ADAMTS3: variants seen among roughly 807,000 people sequenced by gnomAD.
ADAMTS3 encodes the protein ADAM metallopeptidase with thrombospondin type 1 motif 3, also known as A disintegrin and metalloproteinase with thrombospondin motifs 3.
In ADAMTS3, 73 loss-of-function variants were observed where a neutral mutation model predicts 129.0. The ratio of observed to expected loss-of-function variants is 0.57; its 90% CI spans 0.47 to 0.69. The LOEUF (loss-of-function observed/expected upper bound fraction) is 0.69. Among genes scored for constraint, ADAMTS3 ranks in the 30% least tolerant of loss-of-function variants. The pLI, the probability that ADAMTS3 is intolerant of heterozygous loss-of-function variation, is 0.00. For synonymous variants in ADAMTS3, 477 were observed against 510.8 expected (o/e 0.93, Z 0.89); for missense variants, 1,457 against 1,514.5 (o/e 0.96, Z 0.63).
intron 3 of ADAMTS3, among the ~76,000 whole-genome samples, chr4:72,477,188 G>A (rs1177872383): frequency 1.3e-5 from 2 of 152,044 alleles, no homozygotes; most frequent in African/African-American, 2.4e-5. Context: ...GTACCAAGCG[G>A]ACCTAATAGA....
At chr4:72,301,052 G>T (rs1467294289) in intron 17 of ADAMTS3, among the ~76,000 whole-genome samples, 3 of 151,974 alleles carry the variant, frequency 2.0e-5, no homozygotes, top group African/African-American at 7.3e-5. Context: ...TAAGTTTGAG[G>T]GTAATTTGTT....
At chr4:72,504,055 C>T (rs2110026824) in intron 3 of ADAMTS3, among the ~76,000 whole-genome samples, 1 of 152,186 alleles carries the variant, frequency 6.6e-6, no homozygotes, top group Admixed American at 6.5e-5. Context: ...ATCCAAGTTG[C>T]CACTCTGCCA....
intron 4 of ADAMTS3, among the ~76,000 whole-genome samples, chr4:72,354,893 G>T (rs1379025561): frequency 6.6e-6 from 1 of 151,846 alleles, no homozygotes; most frequent in Non-Finnish European, 1.5e-5. Flanking sequence ...CTAGACACTG[G>T]ATTGTGTCTT....
chr4:72,445,192 A>T (rs911570024), intron 3 of ADAMTS3, among the ~76,000 whole-genome samples: 2 of 151,780 alleles, frequency 1.3e-5, no homozygotes, highest in African/African-American at 4.8e-5. Flanking sequence ...ATTGTATGGT[A>T]TGTGAATCAC....
chr4:72,303,807 A>T, intron 17 of ADAMTS3, 110 bp downstream of exon 17: 1 of 1,123,510 alleles, frequency 8.9e-7, no homozygotes, highest in East Asian at 2.4e-5. Context: ...AAAGCAACTC[A>T]TGTTTCAAAG....
intron 12 of ADAMTS3, 88 bp from the exon 13 acceptor site, chr4:72,312,554 A>G: frequency 7.5e-7 from 1 of 1,326,870 alleles, no homozygotes; most frequent in Non-Finnish European, 1.0e-6. Flanking sequence ...GCACAAAGCC[A>G]AAGTTTCTGG....
At chr4:72,530,490 ATTT>A (rs1560554121) in intron 3 of ADAMTS3, among the ~76,000 whole-genome samples, 8 of 35,284 alleles carry the variant, frequency 2.3e-4, no homozygotes, top group South Asian at 6.6e-4. Context: ...ATAAATATAT[ATTT>A]ATATACAAAT....
intron 3 of ADAMTS3, among the ~76,000 whole-genome samples, chr4:72,431,856 G>GA (rs757070673): frequency 9.9e-5 from 15 of 151,814 alleles, no homozygotes; most frequent in Non-Finnish European, 2.1e-4. Context: ...AAGAGCCCAC[G>GA]AAAAAATAGT....
intron 3 of ADAMTS3, among the ~76,000 whole-genome samples, chr4:72,535,147 A>C: frequency 6.6e-6 from 1 of 152,132 alleles, no homozygotes; most frequent in African/African-American, 2.4e-5. Flanking sequence ...AGGTATGCAA[A>C]ATAAAGGACT....
rs2109831780 is a variant in ADAMTS3 at position 72,339,648 on chromosome 4, T to C, written c.707A>G (p.Asn236Ser). 1.2e-6 allele frequency: 2 copies of C among 1,613,884 alleles called. No individual in the cohort carries two copies. The highest frequency in any genetic ancestry group is 1.7e-6 in the Non-Finnish European group (2 of 1,179,866). The change falls in exon 5 of 22, where the codon AAC (asparagine) becomes AGC (serine). Residue 236 changes from asparagine (N) to serine (S), a missense_variant. Physicochemically the swap from Asn to Ser is conservative, Grantham distance 46 (BLOSUM62 1). Coordinates refer to ENST00000286657, the MANE Select transcript of ADAMTS3 (RefSeq NM_014243.3). ...GLDDLGTVYG[N>S]IHQQLNETMR... ...TGTTTCATTCAGCTGCTGGTGGATG[T>C]TGCCATAAACAGTACCTAGATCATC... is the stretch of plus-strand genomic sequence containing the variant.
At chr4:72,415,430 G>C (rs553983518) in intron 3 of ADAMTS3, among the ~76,000 whole-genome samples, 5 of 151,870 alleles carry the variant, frequency 3.3e-5, no homozygotes, top group Non-Finnish European at 7.4e-5. Flanking sequence ...AAACAAAGTG[G>C]CATGAGAGAA....
intron 4 of ADAMTS3, among the ~76,000 whole-genome samples, chr4:72,401,374 C>G (rs1029546099): frequency 2.0e-5 from 3 of 151,542 alleles, no homozygotes; most frequent in South Asian, 2.1e-4. Flanking sequence ...CAAGACCAGC[C>G]TGGCCAACAC....
chr4:72,416,785 A>G (rs1722316442), intron 3 of ADAMTS3, among the ~76,000 whole-genome samples: 1 of 152,146 alleles, frequency 6.6e-6, no homozygotes, highest in South Asian at 2.1e-4. Context: ...TTATGGTCAT[A>G]TTATTTTATC....
intron 3 of ADAMTS3, among the ~76,000 whole-genome samples, chr4:72,481,217 C>T (rs958999955): frequency 6.6e-6 from 1 of 151,956 alleles, no homozygotes; most frequent in African/African-American, 2.4e-5. Context: ...CAAATTGATA[C>T]AGAAAGGTGG....
rs75196824 is a variant in ADAMTS3, at chr4:72,499,463, G to A, written c.504+49015C>T. The stretch of plus-strand genomic sequence containing the variant: ...AATATAAATTCCACTAAAAAATGAT[G>A]CGAGAACATACCTCTTAGTCTAAAA... On this transcript the variant is annotated intron_variant, in intron 3 of 21. Coordinates refer to ENST00000286657, the MANE Select transcript of ADAMTS3 (RefSeq NM_014243.3). Among the ~76,000 whole-genome samples, 62 of 152,218 alleles carry A rather than the reference G, an allele frequency of 4.1e-4. 1 individual carries two copies. The East Asian group carries it at 0.011, about 27-fold the overall frequency.
chr4:72,307,124 T>C (rs923488769), intron 15 of ADAMTS3, among the ~76,000 whole-genome samples: 9 of 151,944 alleles, frequency 5.9e-5, no homozygotes, highest in Non-Finnish European at 1.0e-4. Context: ...ATTGATGAAA[T>C]AAGAAAAAAC....
At chr4:72,503,496 T>G (rs1286874316) in intron 3 of ADAMTS3, among the ~76,000 whole-genome samples, 3 of 152,226 alleles carry the variant, frequency 2.0e-5, no homozygotes, top group African/African-American at 7.2e-5. Flanking sequence ...AGTGTTTTTA[T>G]TTTATTGAGA....
chr4:72,481,348 A>G (rs1322687884), intron 3 of ADAMTS3, among the ~76,000 whole-genome samples: 1 of 152,200 alleles, frequency 6.6e-6, no homozygotes, highest in African/African-American at 2.4e-5. Context: ...GAAGGGATAA[A>G]TACATAGCCC....
At chr4:72,534,124 G>A (rs1022784389) in intron 3 of ADAMTS3, among the ~76,000 whole-genome samples, 5 of 152,088 alleles carry the variant, frequency 3.3e-5, no homozygotes, top group South Asian at 2.1e-4. Context: ...TCGAGAGATC[G>A]AGACCATCCT....
Sources: allele counts gnomAD v4.1 joint callset (sites outside exome capture counted in the v4.1 genomes callset), GRCh38; gene constraint gnomAD v4.1.1; transcripts MANE v1.5; gene names NCBI Gene and HGNC (gene_info 2026-07-23, HGNC 2026-07-21).